CSMD1: variants seen among roughly 807,000 people sequenced by gnomAD.
The protein encoded by CSMD1 is CUB and Sushi multiple domains 1.
A neutral mutation model predicts 417.5 loss-of-function variants in CSMD1; 213 were observed. The observed-to-expected ratio is 0.51, with a 90% CI of 0.46 to 0.57. CSMD1 has a LOEUF of 0.57. Ranked by LOEUF, CSMD1 falls within the 20% of genes least tolerant of loss-of-function variation. The pLI is 0.00. For missense variants in CSMD1, 6,923 were observed against 4,529.7 expected (o/e 1.53, Z -15.17); for synonymous variants, 2,862 against 1,736.8 (o/e 1.65, Z -16.11).
Position 3,924,019 on chromosome 8 carries a change from A to G in CSMD1, c.818+73884T>C, listed in dbSNP as rs571652786. Among the ~76,000 whole-genome samples, 6 of 152,346 alleles carry G rather than the reference A, an allele frequency of 3.9e-5. No homozygotes were observed. The East Asian group carries it at 9.6e-4, about 24-fold the overall frequency. On this transcript the variant is annotated intron_variant, in intron 5 of 69. Coordinates refer to ENST00000635120, the MANE Select transcript of CSMD1 (RefSeq NM_033225.6). ...TAAGTTTTGTGCTTTCTTGCTGCTA[A>G]TAAGTGTCCTTTCATTTCAATTTGA...
chr8:4,729,146 A>C (rs1809682964), intron 1 of CSMD1, among the ~76,000 whole-genome samples: 1 of 152,222 alleles, frequency 6.6e-6, no homozygotes, highest in African/African-American at 2.4e-5. Context: ...AAAGAACACA[A>C]GGACAGGCTA....
chr8:4,448,988 TAGTC>T (rs572176257), intron 2 of CSMD1, among the ~76,000 whole-genome samples: 2 of 152,308 alleles, frequency 1.3e-5, no homozygotes, highest in South Asian at 4.1e-4. Flanking sequence ...AAATGGATAG[TAGTC>T]AGTATTATTT....
intron 1 of CSMD1, among the ~76,000 whole-genome samples, chr8:4,772,792 G>A (rs1439642224): frequency 1.5e-4 from 23 of 152,068 alleles, no homozygotes; most frequent in Admixed American, 1.4e-3. Flanking sequence ...AGGGCTTAAG[G>A]TACTCATCTA....
intron 1 of CSMD1, among the ~76,000 whole-genome samples, chr8:4,951,958 C>A (rs1808780618): frequency 1.3e-5 from 2 of 151,400 alleles, no homozygotes; most frequent in South Asian, 4.2e-4. Context: ...AAACTGGTGA[C>A]TCCTTCAGAG....
chr8:4,740,493 G>A (rs1005988606), intron 1 of CSMD1, among the ~76,000 whole-genome samples: 1 of 152,074 alleles, frequency 6.6e-6, no homozygotes, highest in Non-Finnish European at 1.5e-5. Flanking sequence ...AAAGTGCAAT[G>A]GTAAATGACA....
intron 5 of CSMD1, among the ~76,000 whole-genome samples, chr8:3,984,107 A>ATTCCAG (rs1563283937): frequency 8.1e-6 from 1 of 123,918 alleles, no homozygotes; most frequent in African/African-American, 3.1e-5. Flanking sequence ...GTCAATAGCA[A>ATTCCAG]CTCTAGAGCA....
rs979230685 is a variant in CSMD1 at position 3,442,574 on chromosome 8, T to C, written c.1561+26138A>G. 3.9e-5 allele frequency among the ~76,000 whole-genome samples: 6 copies of C among 152,322 alleles called. No individual in the cohort carries two copies. In the South Asian group the frequency reaches 8.3e-4, roughly 21 times the overall value. ...GTACAGGTTTGGAGCCTAGGAACAATAGGCTGTACCATATATCCCAGGTGG... is the reference window on the plus strand; with the variant it reads ...GTACAGGTTTGGAGCCTAGGAACAACAGGCTGTACCATATATCCCAGGTGG... On this transcript the variant is annotated intron_variant, in intron 12 of 69. Transcript: ENST00000635120.
At chr8:3,851,823 A>T (rs147104477) in intron 5 of CSMD1, among the ~76,000 whole-genome samples, 20 of 152,240 alleles carry the variant, frequency 1.3e-4, no homozygotes, top group African/African-American at 4.8e-4. Context: ...AGGATGAGAG[A>T]CTGAGGGCGC....
intron 2 of CSMD1, among the ~76,000 whole-genome samples, chr8:4,462,426 G>A (rs187873442): frequency 1.2e-3 from 188 of 152,108 alleles, no homozygotes; most frequent in African/African-American, 4.3e-3. Context: ...TCCCCAAATT[G>A]ATTAGCAAAT....
At chr8:3,181,747 G>A (rs1398923425) in intron 36 of CSMD1, among the ~76,000 whole-genome samples, 1 of 152,128 alleles carries the variant, frequency 6.6e-6, no homozygotes, top group East Asian at 1.9e-4. Context: ...GCATGAAAAG[G>A]AATATATAGG....
At chr8:3,002,522 C>G (rs1371952996) in intron 52 of CSMD1, among the ~76,000 whole-genome samples, 1 of 152,200 alleles carries the variant, frequency 6.6e-6, no homozygotes, top group Non-Finnish European at 1.5e-5. Context: ...AGCCTGGAAC[C>G]ACTCCAAGAG....
intron 3 of CSMD1, among the ~76,000 whole-genome samples, chr8:4,238,515 C>A (rs989153864): frequency 6.6e-6 from 1 of 152,168 alleles, no homozygotes; most frequent in Non-Finnish European, 1.5e-5. Flanking sequence ...GAGGCACAGG[C>A]CCCATGGTCA....
chr8:3,589,393 T>TGA (rs1359000887), intron 8 of CSMD1, among the ~76,000 whole-genome samples: 2 of 151,894 alleles, frequency 1.3e-5, no homozygotes, highest in Non-Finnish European at 2.9e-5. Context: ...TGTGTGTGTG[T>TGA]GTGTGTGTGT....
intron 68 of CSMD1, among the ~76,000 whole-genome samples, chr8:2,945,187 T>C (rs1244920877): frequency 6.6e-6 from 1 of 152,232 alleles, no homozygotes; most frequent in Non-Finnish European, 1.5e-5. Flanking sequence ...AGTTCCTCTT[T>C]ATAGTTGAGG....
In CSMD1 at chr8:4,429,641, G is replaced by C. The variant is rs575933604; in HGVS notation, c.303-9576C>G. 2.0e-5 allele frequency among the ~76,000 whole-genome samples: 3 copies of C among 152,234 alleles called. No homozygotes were observed. The South Asian group carries it at 6.2e-4, about 32-fold the overall frequency. On this transcript the variant is annotated intron_variant, in intron 2 of 69. Coordinates refer to ENST00000635120, the MANE Select transcript of CSMD1 (RefSeq NM_033225.6). ...TTCCAGAGAGAGAAACGAATGCACA[G>C]AGGAGGGCCCTTCATGCTGGGTACC... is the stretch of plus-strand genomic sequence containing the variant.
rs557658060 is a variant in CSMD1, at chr8:4,269,451, C to G, written c.415+150502G>C. ...GAGAATTTTCTCTCTGAAGTTTAAT[C>G]AAGTATTTTTATCAGAGCTCATGTA... On this transcript the variant is annotated intron_variant, in intron 3 of 69. Transcript: ENST00000635120. 5.9e-5 allele frequency among the ~76,000 whole-genome samples: 9 copies of G among 152,142 alleles called. 1 individual carries two copies. The highest frequency in any genetic ancestry group is 2.6e-4 in the Admixed American group (4 of 15,270).
intron 1 of CSMD1, among the ~76,000 whole-genome samples, chr8:4,668,389 C>A (rs1017649469): frequency 2.0e-5 from 3 of 150,214 alleles, no homozygotes; most frequent in African/African-American, 7.3e-5. Flanking sequence ...CCACACACAG[C>A]ACTCTAACTT....
intron 2 of CSMD1, among the ~76,000 whole-genome samples, chr8:4,599,563 AT>A (rs1007099120): frequency 2.7e-4 from 41 of 152,164 alleles, no homozygotes; most frequent in African/African-American, 9.9e-4. Flanking sequence ...AAAAAATCTC[AT>A]TGATAAGTTA....
At chr8:3,606,979 G>C (rs1801649383) in intron 8 of CSMD1, among the ~76,000 whole-genome samples, 1 of 152,088 alleles carries the variant, frequency 6.6e-6, no homozygotes, top group Non-Finnish European at 1.5e-5. Context: ...CAAAGTGCTG[G>C]CATTACAAGC....
Sources: allele counts gnomAD v4.1 joint callset (sites outside exome capture counted in the v4.1 genomes callset), GRCh38; gene constraint gnomAD v4.1.1; transcripts MANE v1.5; gene names NCBI Gene and HGNC (gene_info 2026-07-23, HGNC 2026-07-21).